Variants in SF3B3 observed in about 807,000 individuals in gnomAD.
SF3B3 encodes splicing factor 3b subunit 3, also known as SAP 130.
Under a neutral mutation model 139.2 loss-of-function variants are expected in SF3B3, and 33 were observed. The observed-to-expected ratio is 0.24, with a 90% CI of 0.18 to 0.32. The LOEUF is 0.32. SF3B3 is among the 10% of genes least tolerant of loss of function. SF3B3 has a pLI of 1.00. For missense variants in SF3B3, 818 were observed against 1,509.4 expected (o/e 0.54, Z 7.59); for synonymous variants, 596 against 563.6 (o/e 1.06, Z -0.81).
intron 9 of SF3B3, among the ~76,000 whole-genome samples, chr16:70,542,284 C>T (rs2050226309): frequency 6.6e-6 from 1 of 152,136 alleles, no homozygotes; most frequent in South Asian, 2.1e-4. Flanking sequence ...CTGTGGTTGA[C>T]CTCTTGTCAT....
At chr16:70,535,962 ATCT>A (rs2050161933) in intron 6 of SF3B3, among the ~76,000 whole-genome samples, 1 of 152,134 alleles carries the variant, frequency 6.6e-6, no homozygotes, top group South Asian at 2.1e-4. Context: ...CACTCCAGTA[ATCT>A]TCTAAGATAA....
chr16:70,545,236 T>C (rs928292114), intron 10 of SF3B3, among the ~76,000 whole-genome samples: 3 of 152,054 alleles, frequency 2.0e-5, no homozygotes, highest in African/African-American at 4.8e-5. Context: ...CCAGCTAATT[T>C]TTGTACTTTT....
chr16:70,574,869 T>C lies in SF3B3; in HGVS notation c.*3056T>C, dbSNP rs1395981633. 6.6e-6 allele frequency: 1 copy of C among 152,236 alleles called. No individual in the cohort carries two copies. Among genetic ancestry groups the C allele is most frequent in the Non-Finnish European group, 1.5e-5 (1 of 68,050 alleles). 9.4% of individuals were successfully genotyped at this position (152,236 alleles called of 1,614,324 possible). On this transcript the variant is annotated 3_prime_UTR_variant, in exon 26 of 26. Transcript: ENST00000302516. ...CACTTGCTCATTTGCATATGGAATA[T>C]TGTATGTGAATATTTTATTACACCC...
chr16:70,569,237 C>T, intron 23 of SF3B3, 96 bp downstream of exon 23: 8 of 809,026 alleles, frequency 9.9e-6, no homozygotes, highest in Middle Eastern at 4.9e-4. Flanking sequence ...ATTCATAGTG[C>T]ACACGACTGT....
chr16:70,538,422 G>C lies in SF3B3; in HGVS notation c.925G>C (p.Asp309His). 1 of 1,613,910 alleles carries C rather than the reference G, an allele frequency of 6.2e-7. No individual in the cohort carries two copies. Among genetic ancestry groups the C allele is most frequent in the Non-Finnish European group, 8.5e-7 (1 of 1,179,794 alleles). ...CTTTTTGGCTCAAACTGAGCAGGGAGATATCTTTAAGATCACTTTGGAGAC... is the reference window on the plus strand; with the variant it reads ...CTTTTTGGCTCAAACTGAGCAGGGACATATCTTTAAGATCACTTTGGAGAC... ...FFFLAQTEQG[D>H]IFKITLETDE... The change falls in exon 7 of 26, where the codon GAT becomes CAT. Residue 309 changes from aspartate to histidine, a missense_variant. Asp to His is a moderately conservative substitution (Grantham distance 81). This residue lies in a region of SF3B3 where 80 missense variants were observed against 206.5 expected (regional missense o/e 0.39). Transcript: ENST00000302516.
At chr16:70,557,114 C>G in intron 15 of SF3B3, 85 bp downstream of exon 15, 1 of 1,409,660 alleles carries the variant, frequency 7.1e-7, no homozygotes, top group Non-Finnish European at 9.5e-7. Context: ...GGGATTTTCT[C>G]TGCCCATGGT....
chr16:70,571,057 T>C (rs759816356), intron 24 of SF3B3, 38 bp from the exon 25 acceptor site: 3 of 1,441,028 alleles, frequency 2.1e-6, no homozygotes, highest in Non-Finnish European at 2.9e-6. Flanking sequence ...CTAGTTGAAA[T>C]CACTTCTCAG....
At chr16:70,565,321 C>CT (rs748540917) in intron 19 of SF3B3, 47 bp from the exon 20 acceptor site, 6 of 1,613,388 alleles carry the variant, frequency 3.7e-6, no homozygotes, top group African/African-American at 1.3e-5. Context: ...CAGGAGCTCT[C>CT]TGAGTTTTGA....
intron 6 of SF3B3, among the ~76,000 whole-genome samples, chr16:70,536,217 G>C (rs1298107847): frequency 6.6e-6 from 1 of 151,458 alleles, no homozygotes; most frequent in Non-Finnish European, 1.5e-5. Context: ...GCCCATGCTG[G>C]AGTGCAGTGT....
intron 15 of SF3B3, among the ~76,000 whole-genome samples, chr16:70,557,400 T>C (rs1302233364): frequency 2.6e-5 from 4 of 152,230 alleles, no homozygotes; most frequent in Admixed American, 1.3e-4. Flanking sequence ...AAATGTTCCC[T>C]GTTGTCAAAG....
intron 13 of SF3B3, 29 bp downstream of exon 13, chr16:70,555,235 C>T: frequency 6.3e-7 from 1 of 1,599,570 alleles, no homozygotes; most frequent in Non-Finnish European, 8.6e-7. Flanking sequence ...CACTGTGGGA[C>T]TTATTGTAGG....
intron 10 of SF3B3, among the ~76,000 whole-genome samples, chr16:70,545,213 C>T (rs116690507): frequency 0.032 from 4,846 of 152,140 alleles, 287 homozygotes; most frequent in African/African-American, 0.11. Flanking sequence ...ACTGCAGGCA[C>T]GTGCCACAAC....
At chr16:70,550,727 A>G (rs989746227) in intron 11 of SF3B3, 2 of 941,506 alleles carry the variant, frequency 2.1e-6, no homozygotes, top group South Asian at 4.9e-5. Flanking sequence ...AGTTTATCCA[A>G]GGAGAGGGAC....
Position 70,577,537 on chromosome 16 carries a change from GC to G in SF3B3, c.*5725del, listed in dbSNP as rs1409960794. On this transcript the variant is annotated 3_prime_UTR_variant, in exon 26 of 26. Transcript: ENST00000302516. ...GTTAGCCTGGAACATTCCAGCGTGG[GC>G]ATTATTGTCCTGTTGCAAGTTCAGG... 2 of 152,182 alleles carry G rather than the reference GC, an allele frequency of 1.3e-5. No individual in the cohort carries two copies. The highest frequency in any genetic ancestry group is 4.8e-5 in the African/African-American group (2 of 41,434). 9.4% of individuals were successfully genotyped at this position (152,182 alleles called of 1,614,324 possible).
At chr16:70,540,058 A>G (rs1456072101) in intron 8 of SF3B3, among the ~76,000 whole-genome samples, 10 of 146,816 alleles carry the variant, frequency 6.8e-5, no homozygotes, top group Non-Finnish European at 1.5e-4. Flanking sequence ...TACAGGCGTG[A>G]GCCACTGCGC....
At chr16:70,554,689 C>T in intron 12 of SF3B3, 92 bp downstream of exon 12, 1 of 1,313,054 alleles carries the variant, frequency 7.6e-7, no homozygotes. Flanking sequence ...TCTCTTCACC[C>T]TCACCTTCCA....
intron 6 of SF3B3, chr16:70,538,014 A>G (rs756758044): frequency 1.8e-6 from 1 of 564,430 alleles, no homozygotes; most frequent in African/African-American, 1.9e-5. Flanking sequence ...ACAGCCTGAA[A>G]TGATGACTCT....
chr16:70,529,186 A>T lies in SF3B3; in HGVS notation c.384A>T (p.Arg128=), dbSNP rs751387175. 1 of 1,613,136 alleles carries T rather than the reference A, an allele frequency of 6.2e-7. No homozygotes were observed. The highest frequency in any genetic ancestry group is 2.2e-5 in the East Asian group (1 of 44,828). Reference sequence around the variant, plus strand: ...TCTTAGCTGTGGATCCCAAAGGGCGAGCCGTTATGATTAGTAAGTGATTTA... The same window carrying T: ...TCTTAGCTGTGGATCCCAAAGGGCGTGCCGTTATGATTAGTAAGTGATTTA... The part of the protein sequence containing the change: ...GQFLAVDPKG[R]AVMISAIEKQ... The change falls in exon 3 of 26, where the codon CGA becomes CGT. Residue 128 remains arginine (R), a synonymous_variant. Transcript: ENST00000302516.
intron 11 of SF3B3, among the ~76,000 whole-genome samples, chr16:70,551,417 A>T (rs567702924): frequency 3.9e-4 from 59 of 152,170 alleles, no homozygotes; most frequent in African/African-American, 1.3e-3. Context: ...GTTTTTTTTA[A>T]AATAGTGTTT....
Sources: gnomAD v4.1 joint callset for allele counts (sites outside exome capture counted in the v4.1 genomes callset) on GRCh38, gnomAD v4.1.1 for gene constraint, gnomAD v4.1.1 regional missense constraint, MANE v1.5 for transcripts, NCBI Gene and HGNC (gene_info 2026-07-23, HGNC 2026-07-21) for gene names.